CSMD1: variants seen among roughly 807,000 people sequenced by gnomAD.
CSMD1 encodes CUB and Sushi multiple domains 1, also known as CUB and sushi domain-containing protein 1.
In CSMD1, 213 loss-of-function variants were observed where a neutral mutation model predicts 417.5. The observed-to-expected ratio is 0.51, with a 90% CI of 0.46 to 0.57. The LOEUF is 0.57. Ranked by LOEUF, CSMD1 falls within the 20% of genes least tolerant of loss-of-function variation. CSMD1 has a pLI of 0.00. For synonymous variants in CSMD1, 2,862 were observed against 1,736.8 expected (o/e 1.65, Z -16.11); for missense variants, 6,923 against 4,529.7 (o/e 1.53, Z -15.17).
At chr8:4,690,920 G>A (rs1157290830) in intron 1 of CSMD1, among the ~76,000 whole-genome samples, 1 of 152,040 alleles carries the variant, frequency 6.6e-6, no homozygotes, top group East Asian at 1.9e-4. Flanking sequence ...GTAGAGGTGG[G>A]GTTTCACCAT....
intron 10 of CSMD1, among the ~76,000 whole-genome samples, chr8:3,551,679 C>G (rs547609050): frequency 3.4e-5 from 5 of 147,168 alleles, no homozygotes; most frequent in South Asian, 2.2e-4. Flanking sequence ...GTTTCTTACT[C>G]TATGTAATAA....
intron 57 of CSMD1, 86 bp from the exon 58 acceptor site, chr8:2,966,832 C>A (rs780300456): frequency 1.9e-5 from 23 of 1,189,476 alleles, no homozygotes; most frequent in Non-Finnish European, 2.7e-5. Context: ...GGTATCAGTG[C>A]AATAGACTAC....
chr8:3,569,820 G>C (rs1354828841), intron 10 of CSMD1, among the ~76,000 whole-genome samples: 2 of 152,164 alleles, frequency 1.3e-5, no homozygotes, highest in Non-Finnish European at 1.5e-5. Context: ...AGGTGTCTAA[G>C]TGGTGCTTTG....
chr8:3,590,816 C>T (rs982449272), intron 8 of CSMD1, among the ~76,000 whole-genome samples: 3 of 152,086 alleles, frequency 2.0e-5, no homozygotes, highest in Non-Finnish European at 4.4e-5. Context: ...AATAAGACCC[C>T]AATTCTAATT....
intron 23 of CSMD1, among the ~76,000 whole-genome samples, chr8:3,311,194 G>A (rs1805317183): frequency 1.3e-5 from 2 of 152,100 alleles, no homozygotes; most frequent in Admixed American, 6.6e-5. Flanking sequence ...CTAGCACAAA[G>A]CCTATTTATT....
chr8:3,166,724 A>G (rs544144827), intron 37 of CSMD1, among the ~76,000 whole-genome samples: 9 of 152,258 alleles, frequency 5.9e-5, no homozygotes, highest in Middle Eastern at 3.4e-3. Flanking sequence ...TATAGACACA[A>G]AACATAGGTA....
At chr8:3,657,044 G>A (rs769114709) in intron 7 of CSMD1, among the ~76,000 whole-genome samples, 1 of 131,138 alleles carries the variant, frequency 7.6e-6, no homozygotes, top group Non-Finnish European at 1.8e-5. Flanking sequence ...GTCTGCCAGG[G>A]CATTTTTGGG....
intron 3 of CSMD1, among the ~76,000 whole-genome samples, chr8:4,098,024 T>A (rs1378387040): frequency 1.3e-5 from 2 of 152,104 alleles, no homozygotes; most frequent in African/African-American, 4.8e-5. Context: ...TTTGCAGGAG[T>A]TCATATAATT....
intron 36 of CSMD1, among the ~76,000 whole-genome samples, chr8:3,187,596 C>T (rs1320214142): frequency 6.6e-6 from 1 of 152,136 alleles, no homozygotes; most frequent in African/African-American, 2.4e-5. Flanking sequence ...CTATTCCTGG[C>T]TTCTGCTGCC....
chr8:4,014,132 A>G (rs1796407521), intron 4 of CSMD1, among the ~76,000 whole-genome samples: 2 of 152,212 alleles, frequency 1.3e-5, no homozygotes, highest in Non-Finnish European at 2.9e-5. Context: ...GCAAGTATCA[A>G]AAGTTATATT....
At chr8:3,820,966 G>C (rs1033397210) in intron 5 of CSMD1, among the ~76,000 whole-genome samples, 1 of 151,958 alleles carries the variant, frequency 6.6e-6, no homozygotes, top group African/African-American at 2.4e-5. Context: ...GCCCAAGCTG[G>C]AGTGCAATGG....
chr8:3,213,393 C>T (rs1357697635), intron 30 of CSMD1, among the ~76,000 whole-genome samples: 1 of 152,070 alleles, frequency 6.6e-6, no homozygotes, highest in African/African-American at 2.4e-5. Context: ...TATAGAGACC[C>T]CCATGAAACC....
chr8:3,844,381 A>G (rs139470395), intron 5 of CSMD1, among the ~76,000 whole-genome samples: 31 of 152,218 alleles, frequency 2.0e-4, no homozygotes, highest in Non-Finnish European at 3.4e-4. Context: ...ACACACATAC[A>G]CCTCACTCAC....
At chr8:3,189,153 G>T in intron 34 of CSMD1, 142 bp from the exon 35 acceptor site, 1 of 663,842 alleles carries the variant, frequency 1.5e-6, no homozygotes, top group Non-Finnish European at 2.4e-6. Flanking sequence ...TTTTAGCCAA[G>T]GTAAAATTCA....
chr8:4,659,939 C>A (rs1585407673), intron 1 of CSMD1, among the ~76,000 whole-genome samples: 1 of 151,746 alleles, frequency 6.6e-6, no homozygotes, highest in South Asian at 2.1e-4. Context: ...AGGATCAAAA[C>A]ACTCTGAAAA....
intron 3 of CSMD1, among the ~76,000 whole-genome samples, chr8:4,393,168 G>C (rs746653461): frequency 5.3e-5 from 8 of 151,776 alleles, no homozygotes; most frequent in African/African-American, 1.5e-4. Context: ...TAGAGACGAA[G>C]TTTCACCATG....
chr8:3,205,489 C>A lies in CSMD1; in HGVS notation c.4984+15G>T. On this transcript the variant is annotated intron_variant, in intron 31 of 69. Coordinates refer to ENST00000635120, the MANE Select transcript of CSMD1 (RefSeq NM_033225.6). ...GAAATATGACAATGAATTAAAAATACAAGGACATCCTTACCGAATTCCTTT... is the reference window on the plus strand; with the variant it reads ...GAAATATGACAATGAATTAAAAATAAAAGGACATCCTTACCGAATTCCTTT... 1 of 1,239,578 alleles carries A rather than the reference C, an allele frequency of 8.1e-7. No homozygotes were observed. Among genetic ancestry groups the A allele is most frequent in the African/African-American group, 1.5e-5 (1 of 66,776 alleles). The allele number at this position is 1,239,578 out of a possible 1,614,324, so 76.8% of individuals were successfully genotyped here.
intron 49 of CSMD1, among the ~76,000 whole-genome samples, chr8:3,077,238 C>G (rs1813748537): frequency 6.6e-6 from 1 of 152,134 alleles, no homozygotes; most frequent in Non-Finnish European, 1.5e-5. Flanking sequence ...GACTAAACAG[C>G]TGCACAAATA....
chr8:3,995,578 C>T (rs776546870), intron 5 of CSMD1, among the ~76,000 whole-genome samples: 4 of 152,190 alleles, frequency 2.6e-5, no homozygotes, highest in Non-Finnish European at 4.4e-5. Flanking sequence ...GCCGTGGAGT[C>T]AGAGACCTTG....
Sources: gnomAD v4.1 joint callset for allele counts (sites outside exome capture counted in the v4.1 genomes callset) on GRCh38, gnomAD v4.1.1 for gene constraint, MANE v1.5 for transcripts, NCBI Gene and HGNC (gene_info 2026-07-23, HGNC 2026-07-21) for gene names.